Variants in DPP6 observed in about 807,000 individuals in gnomAD.
DPP6 encodes the protein A-type potassium channel modulatory protein DPP6.
A neutral mutation model predicts 122.6 loss-of-function variants in DPP6; 69 were observed. That is an observed-to-expected ratio of 0.56 (90% CI 0.46 to 0.69). The LOEUF is 0.69. Among genes scored for constraint, DPP6 ranks in the 30% least tolerant of loss-of-function variants. The pLI, the probability that DPP6 is intolerant of heterozygous loss-of-function variation, is 0.00. For missense variants in DPP6, 928 were observed against 1,116.9 expected, an observed-to-expected ratio of 0.83 and a Z score of 2.41; for synonymous variants, 418 against 433.1, an observed-to-expected ratio of 0.97 and a Z score of 0.43.
chr7:153,792,911 T>G, the DPP6 span, among the ~76,000 whole-genome samples: 14 of 151,864 alleles, frequency 9.2e-5, no homozygotes, highest in African/African-American at 3.1e-4. Context: ...CAGGGGTTTC[T>G]GCTTTTGCTT....
chr7:154,169,668 G>A (rs1797436371), intron 1 of DPP6, among the ~76,000 whole-genome samples: 1 of 152,090 alleles, frequency 6.6e-6, no homozygotes, highest in South Asian at 2.1e-4. Flanking sequence ...TACTTTTACT[G>A]TTATTATAAG....
At chr7:154,120,544 A>G (rs1225073373) in intron 1 of DPP6, among the ~76,000 whole-genome samples, 1 of 152,164 alleles carries the variant, frequency 6.6e-6, no homozygotes, top group Non-Finnish European at 1.5e-5. Context: ...GCGCCCAGCC[A>G]TCTATGTTCA....
chr7:154,745,086 A>G (rs1179548421), intron 8 of DPP6, among the ~76,000 whole-genome samples: 1 of 152,256 alleles, frequency 6.6e-6, no homozygotes, highest in Non-Finnish European at 1.5e-5. Context: ...TTTAACATGG[A>G]AAATTAACTG....
At position 154,136,773 on chromosome 7, in the gene DPP6, G is replaced by A. The variant is rs572448721; in HGVS notation, c.243+83710G>A. On this transcript the variant is annotated intron_variant, in intron 1 of 25. Transcript: ENST00000377770. Reference sequence around the variant, plus strand: ...CCCTCTGAAAAGAAGACTTATGTCAGATTGATAATTTAGGTAGAGTTCTGG... The same window carrying A: ...CCCTCTGAAAAGAAGACTTATGTCAAATTGATAATTTAGGTAGAGTTCTGG... Among the ~76,000 whole-genome samples, 241 of 152,342 alleles carry A rather than the reference G, an allele frequency of 1.6e-3. 1 individual carries two copies. Among genetic ancestry groups the A allele is most frequent in the Non-Finnish European group, 2.9e-3 (196 of 68,034 alleles).
Position 154,119,751 on chromosome 7 carries a change from G to C in DPP6, c.243+66688G>C, listed in dbSNP as rs373529964. ...GATGTGGAGTTCATTTTAAGACAAAGAGGGAAAGGCTTCTGCAATTTGCTT... is the reference window on the plus strand; with the variant it reads ...GATGTGGAGTTCATTTTAAGACAAACAGGGAAAGGCTTCTGCAATTTGCTT... On this transcript the variant is annotated intron_variant, in intron 1 of 25. Transcript: ENST00000377770. Among the ~76,000 whole-genome samples, 966 of 147,374 alleles carry C rather than the reference G, an allele frequency of 6.6e-3. 12 individuals carry two copies. The highest frequency in any genetic ancestry group is 0.023 in the African/African-American group (927 of 40,438).
intron 6 of DPP6, among the ~76,000 whole-genome samples, chr7:154,665,854 T>G (rs1838116917): frequency 6.6e-6 from 1 of 151,812 alleles, no homozygotes; most frequent in Admixed American, 6.6e-5. Context: ...CCTTATAACG[T>G]TTTTTTTCAA....
intron 2 of DPP6, among the ~76,000 whole-genome samples, chr7:154,462,807 C>T (rs1821410713): frequency 7.6e-6 from 1 of 131,910 alleles, no homozygotes; most frequent in Non-Finnish European, 1.6e-5. Flanking sequence ...CCCCTCCCCC[C>T]ACCCCACAAC....
intron 1 of DPP6, among the ~76,000 whole-genome samples, chr7:153,945,320 G>C (rs149045687): frequency 2.0e-5 from 3 of 152,168 alleles, no homozygotes; most frequent in Admixed American, 6.5e-5. Context: ...AGCCATGCCT[G>C]GTACAGAGCA....
chr7:154,449,234 AAAAC>A (rs915835423), intron 2 of DPP6, among the ~76,000 whole-genome samples: 15 of 152,204 alleles, frequency 9.9e-5, no homozygotes, highest in Non-Finnish European at 1.6e-4. Flanking sequence ...AACAAACAAA[AAAAC>A]AAATAATTCA....
At chr7:153,928,356 C>T (rs538806090) in intron 1 of DPP6, among the ~76,000 whole-genome samples, 28 of 139,286 alleles carry the variant, frequency 2.0e-4, no homozygotes, top group South Asian at 6.8e-4. Flanking sequence ...GGATTACAGG[C>T]GTGCACCACC....
intron 3 of DPP6, among the ~76,000 whole-genome samples, chr7:154,522,221 G>T (rs756377584): frequency 6.6e-6 from 1 of 152,128 alleles, no homozygotes; most frequent in East Asian, 1.9e-4. Context: ...TGATCCGCCC[G>T]CCTGGGCCTC....
At chr7:154,768,044 C>G (rs775659403) in intron 8 of DPP6, among the ~76,000 whole-genome samples, 2 of 152,246 alleles carry the variant, frequency 1.3e-5, no homozygotes, top group Non-Finnish European at 2.9e-5. Flanking sequence ...ACATCACACC[C>G]TCAGCCCCAC....
intron 10 of DPP6, among the ~76,000 whole-genome samples, chr7:154,791,255 AAAAAAT>A (rs905637455): frequency 4.6e-5 from 7 of 151,696 alleles, no homozygotes; most frequent in African/African-American, 1.5e-4. Context: ...CTCTGTCTCA[AAAAAAT>A]AAAAATAAAA....
chr7:154,455,748 C>T (rs986359902), intron 2 of DPP6, among the ~76,000 whole-genome samples: 2 of 152,130 alleles, frequency 1.3e-5, no homozygotes, highest in East Asian at 1.9e-4. Flanking sequence ...TTATTATTCA[C>T]ACTCGTGTTA....
chr7:154,474,557 C>T (rs1822557095), intron 2 of DPP6, among the ~76,000 whole-genome samples: 1 of 152,230 alleles, frequency 6.6e-6, no homozygotes, highest in Admixed American at 6.5e-5. Flanking sequence ...TTAATGAATG[C>T]TTCATGATTG....
Position 154,893,833 on chromosome 7 carries a change from T to C in DPP6, c.*1353T>C, listed in dbSNP as rs191462953. On this transcript the variant is annotated 3_prime_UTR_variant, in exon 26 of 26. Coordinates refer to ENST00000377770, the MANE Select transcript of DPP6 (RefSeq NM_130797.4). ...CCGATCTGGACTCTAGAAGTGCTAG[T>C]TTGAAATATATCCATTACTGTCATT... is the stretch of plus-strand genomic sequence containing the variant. The C allele has an allele frequency of 3.3e-5, 5 of 152,360 alleles. No homozygotes were observed. Among genetic ancestry groups the C allele is most frequent in the Admixed American group, 1.3e-4 (2 of 15,302 alleles). The allele number at this position is 152,360 out of a possible 1,614,324, so 9.4% of individuals were successfully genotyped here.
At chr7:154,327,059 G>T (rs1211772649) in intron 1 of DPP6, among the ~76,000 whole-genome samples, 2 of 152,016 alleles carry the variant, frequency 1.3e-5, no homozygotes, top group Non-Finnish European at 2.9e-5. Flanking sequence ...AGGTGTCTTT[G>T]GTTCAGTCCT....
chr7:154,189,744 C>G (rs1798523674), intron 1 of DPP6, among the ~76,000 whole-genome samples: 1 of 152,150 alleles, frequency 6.6e-6, no homozygotes, highest in Non-Finnish European at 1.5e-5. Context: ...TTGAATCTCT[C>G]TTTGTGGTCT....
intron 1 of DPP6, among the ~76,000 whole-genome samples, chr7:154,195,787 A>G (rs2150774539): frequency 6.6e-6 from 1 of 151,408 alleles, no homozygotes; most frequent in South Asian, 2.1e-4. Flanking sequence ...TTTCCTAGGA[A>G]CCTCAGGTAG....
Sources: gnomAD v4.1 joint callset for allele counts (sites outside exome capture counted in the v4.1 genomes callset) on GRCh38, gnomAD v4.1.1 for gene constraint, MANE v1.5 for transcripts, NCBI Gene and HGNC (gene_info 2026-07-23, HGNC 2026-07-21) for gene names.